The following LRRC4C variants were observed in gnomAD, a reference collection of about 807,000 sequenced individuals.
The protein encoded by LRRC4C is leucine-rich repeat-containing protein 4C.
Under a neutral mutation model 33.6 loss-of-function variants are expected in LRRC4C, and 5 were observed. That is an observed-to-expected ratio of 0.15 (90% CI 0.08 to 0.31). LRRC4C has a LOEUF of 0.31. LRRC4C is among the 10% of genes least tolerant of loss of function. The probability of loss-of-function intolerance (pLI) is 1.00; values close to 1 mark genes in which losing one functional copy is unlikely to be tolerated. For synonymous variants in LRRC4C, 329 were observed against 302.0 expected (o/e 1.09, Z -0.93); for missense variants, 560 against 796.7 (o/e 0.70, Z 3.58).
intron 3 of LRRC4C, among the ~76,000 whole-genome samples, chr11:40,570,612 A>G (rs17487877): frequency 0.15 from 22,712 of 152,162 alleles, 2,001 homozygotes; most frequent in Admixed American, 0.23. Context: ...GAGGGAAATT[A>G]TGGTATTCAT....
chr11:40,185,082 G>A (rs1861300291), intron 5 of LRRC4C, among the ~76,000 whole-genome samples: 1 of 152,220 alleles, frequency 6.6e-6, no homozygotes, highest in Non-Finnish European at 1.5e-5. Context: ...AGCCAGCTGA[G>A]TACAGCAATG....
chr11:40,240,170 C>T (rs923315776), intron 5 of LRRC4C, among the ~76,000 whole-genome samples: 4 of 152,160 alleles, frequency 2.6e-5, no homozygotes, highest in African/African-American at 9.7e-5. Flanking sequence ...ACCCTGTCCT[C>T]TAACATTCCA....
intron 3 of LRRC4C, among the ~76,000 whole-genome samples, chr11:40,623,645 A>G (rs1252944010): frequency 1.3e-5 from 2 of 152,116 alleles, no homozygotes; most frequent in Non-Finnish European, 2.9e-5. Flanking sequence ...AACACTATAT[A>G]TGCACAAAAC....
intron 1 of LRRC4C, among the ~76,000 whole-genome samples, chr11:41,039,056 T>C (rs572913702): frequency 3.5e-4 from 54 of 152,334 alleles, no homozygotes; most frequent in Middle Eastern, 3.4e-3. Context: ...AAGATTTTTA[T>C]AGTTTGAGAT....
chr11:40,285,370 G>T (rs916383648), intron 4 of LRRC4C, among the ~76,000 whole-genome samples: 6 of 152,174 alleles, frequency 3.9e-5, no homozygotes, highest in African/African-American at 1.2e-4. Context: ...ACCAGAGGCA[G>T]GTGATGGGAT....
intron 1 of LRRC4C, among the ~76,000 whole-genome samples, chr11:41,328,235 C>T (rs956759001): frequency 6.6e-6 from 1 of 152,200 alleles, no homozygotes; most frequent in Non-Finnish European, 1.5e-5. Context: ...TGTGGAAGAA[C>T]ACACTGCAAA....
At chr11:41,272,960 G>A (rs1314467616) in intron 1 of LRRC4C, among the ~76,000 whole-genome samples, 1 of 152,126 alleles carries the variant, frequency 6.6e-6, no homozygotes, top group Non-Finnish European at 1.5e-5. Flanking sequence ...CTTAGTTCAT[G>A]CATGCATGCA....
At chr11:40,958,906 C>T (rs1404921083) in intron 1 of LRRC4C, among the ~76,000 whole-genome samples, 1 of 151,646 alleles carries the variant, frequency 6.6e-6, no homozygotes, top group African/African-American at 2.4e-5. Context: ...CAACAAATGT[C>T]TCAAGAAGAT....
chr11:40,509,098 T>C (rs544176929), intron 3 of LRRC4C, among the ~76,000 whole-genome samples: 1 of 152,174 alleles, frequency 6.6e-6, no homozygotes, highest in Non-Finnish European at 1.5e-5. Flanking sequence ...GGAAATAATA[T>C]ATACTTCATC....
intron 6 of LRRC4C, among the ~76,000 whole-genome samples, chr11:40,138,371 ATG>A (rs1341760064): frequency 6.6e-6 from 1 of 152,110 alleles, no homozygotes; most frequent in Non-Finnish European, 1.5e-5. Flanking sequence ...GGGTCTTGCT[ATG>A]TTGTCCAGGC....
chr11:40,624,998 T>C (rs1293847232), intron 3 of LRRC4C, among the ~76,000 whole-genome samples: 1 of 152,130 alleles, frequency 6.6e-6, no homozygotes, highest in Non-Finnish European at 1.5e-5. Context: ...AGAAATAGCA[T>C]TCATCAGAGT....
intron 1 of LRRC4C, among the ~76,000 whole-genome samples, chr11:41,206,716 A>T (rs1946615773): frequency 6.6e-6 from 1 of 152,184 alleles, no homozygotes; most frequent in Non-Finnish European, 1.5e-5. Context: ...GAAGACAAAC[A>T]GACATAGACC....
chr11:40,803,924 A>G (rs1388540666), intron 2 of LRRC4C, among the ~76,000 whole-genome samples: 1 of 152,176 alleles, frequency 6.6e-6, no homozygotes, highest in Non-Finnish European at 1.5e-5. Flanking sequence ...AAACAATCCA[A>G]TTGTACTTTT....
At chr11:40,834,682 T>C (rs1952581423) in intron 2 of LRRC4C, among the ~76,000 whole-genome samples, 1 of 152,038 alleles carries the variant, frequency 6.6e-6, no homozygotes, top group East Asian at 1.9e-4. Flanking sequence ...AAGTCAACGA[T>C]TCCATAAATC....
At chr11:40,588,286 G>T (rs548522279) in intron 3 of LRRC4C, among the ~76,000 whole-genome samples, 42 of 151,872 alleles carry the variant, frequency 2.8e-4, no homozygotes, top group South Asian at 4.2e-4. Context: ...AGTATTCTCT[G>T]ATGGTAGTTT....
At chr11:40,233,317 GTTAT>G (rs1865335846) in intron 5 of LRRC4C, among the ~76,000 whole-genome samples, 1 of 152,128 alleles carries the variant, frequency 6.6e-6, no homozygotes, top group Non-Finnish European at 1.5e-5. Flanking sequence ...TAAATTTATA[GTTAT>G]TTAACTGGCA....
At chr11:41,143,270 G>T (rs1200431178) in intron 1 of LRRC4C, among the ~76,000 whole-genome samples, 1 of 151,836 alleles carries the variant, frequency 6.6e-6, no homozygotes, top group Non-Finnish European at 1.5e-5. Flanking sequence ...TGGACAACAT[G>T]AATACATTCT....
chr11:40,575,789 T>C (rs775870592), intron 3 of LRRC4C, among the ~76,000 whole-genome samples: 1 of 152,162 alleles, frequency 6.6e-6, no homozygotes, highest in Non-Finnish European at 1.5e-5. Flanking sequence ...CATATTTAAA[T>C]AGGAATATAC....
chr11:40,814,374 T>C (rs1243276375), intron 2 of LRRC4C, among the ~76,000 whole-genome samples: 5 of 152,096 alleles, frequency 3.3e-5, no homozygotes, highest in Non-Finnish European at 5.9e-5. Flanking sequence ...ATGGCTAGAA[T>C]GGCTGGGACG....
Sources: gnomAD v4.1 joint callset for allele counts (sites outside exome capture counted in the v4.1 genomes callset) on GRCh38, gnomAD v4.1.1 for gene constraint, MANE v1.5 for transcripts, NCBI Gene and HGNC (gene_info 2026-07-23, HGNC 2026-07-21) for gene names.